CASP5: variants seen among roughly 807,000 people sequenced by gnomAD.
CASP5 encodes the protein caspase-5.
In CASP5, 42 loss-of-function variants were observed where a neutral mutation model predicts 45.2. The ratio of observed to expected loss-of-function variants is 0.93; its 90% confidence interval spans 0.73 to 1.20. The LOEUF (loss-of-function observed/expected upper bound fraction) is 1.20, where lower values mean the gene tolerates loss of function less well. CASP5 is among the 50% of genes most tolerant of loss of function. The pLI is 0.00. For synonymous variants in CASP5, 209 were observed against 186.2 expected, an observed-to-expected ratio of 1.12 and a Z score of -1.00; for missense variants, 512 against 532.2, an observed-to-expected ratio of 0.96 and a Z score of 0.37.
At chr11:105,009,828 CATAT>C (rs112147889) in intron 1 of CASP5, among the ~76,000 whole-genome samples, 2 of 103,744 alleles carry the variant, frequency 1.9e-5, no homozygotes, top group Admixed American at 9.6e-5. Flanking sequence ...TATATATACA[CATAT>C]ATATATACAC....
At chr11:105,015,245 C>T (rs1465792139) in intron 1 of CASP5, among the ~76,000 whole-genome samples, 3 of 152,176 alleles carry the variant, frequency 2.0e-5, no homozygotes, top group East Asian at 1.9e-4. Context: ...TTTCTAGACA[C>T]CTTCCTCAAC....
chr11:105,023,167 C>G lies in CASP5; in HGVS notation c.-31G>C. The stretch of plus-strand genomic sequence containing the variant: ...ACAGCCTCTGTCTCTTTGTACAGCA[C>G]TGGAAAGTGCCTCAGACTCAGAGAT... On this transcript the variant is annotated 5_prime_UTR_variant, in exon 1 of 10. Coordinates refer to ENST00000260315, the MANE Select transcript of CASP5 (RefSeq NM_004347.5). The G allele has an allele frequency of 6.5e-7, 1 of 1,550,034 alleles. No homozygotes were observed. The highest frequency in any genetic ancestry group is 8.7e-7 in the Non-Finnish European group (1 of 1,145,456).
intron 2 of CASP5, among the ~76,000 whole-genome samples, chr11:105,008,090 C>T (rs75889687): frequency 6.6e-6 from 1 of 151,908 alleles, no homozygotes; most frequent in Non-Finnish European, 1.5e-5. Context: ...AATTTTTTTG[C>T]CTGGCCCTCT....
intron 6 of CASP5, among the ~76,000 whole-genome samples, chr11:104,999,843 T>C (rs1199888436): frequency 6.6e-6 from 1 of 152,224 alleles, no homozygotes; most frequent in Non-Finnish European, 1.5e-5. Flanking sequence ...CATTTTCCCT[T>C]CAATAATTGT....
Position 104,998,814 on chromosome 11 carries a change from TG to T in CASP5, c.1096+70del. 2.7e-6 allele frequency: 4 copies of T among 1,492,026 alleles called. No individual in the cohort carries two copies. The South Asian group carries it at 5.0e-5, about 19-fold the overall frequency. The allele number at this position is 1,492,026 out of a possible 1,614,324, so 92.4% of individuals were successfully genotyped here. ...GCTCATTGTTGCATAGGGCCTATCTTGATTTCATAGAATCATTCAAAGGTGG... is the reference window on the plus strand; with the variant it reads ...GCTCATTGTTGCATAGGGCCTATCTTATTTCATAGAATCATTCAAAGGTGG... On this transcript the variant is annotated intron_variant, in intron 7 of 9. Coordinates refer to ENST00000260315, the MANE Select transcript of CASP5 (RefSeq NM_004347.5).
intron 1 of CASP5, among the ~76,000 whole-genome samples, chr11:105,017,183 T>C (rs1020025755): frequency 2.0e-5 from 3 of 151,252 alleles, no homozygotes; most frequent in Non-Finnish European, 4.4e-5. Flanking sequence ...AGACCAAAAG[T>C]AGAAAAAACC....
At chr11:105,002,597 T>C (rs1279268204) in intron 4 of CASP5, among the ~76,000 whole-genome samples, 1 of 152,230 alleles carries the variant, frequency 6.6e-6, no homozygotes, top group Non-Finnish European at 1.5e-5. Flanking sequence ...AACATAAACT[T>C]ACAATGATTT....
intron 6 of CASP5, 121 bp from the exon 7 acceptor site, chr11:104,999,149 T>TG: frequency 4.9e-6 from 4 of 815,420 alleles, no homozygotes; most frequent in African/African-American, 1.7e-5. Flanking sequence ...GCACCTATCA[T>TG]ATAGGTTTTA....
At chr11:105,006,510 G>C (rs1322065680) in intron 3 of CASP5, among the ~76,000 whole-genome samples, 2 of 152,170 alleles carry the variant, frequency 1.3e-5, no homozygotes, top group Non-Finnish European at 2.9e-5. Flanking sequence ...GGAAAACAAA[G>C]CATTTAATTT....
chr11:105,017,094 G>T (rs1329881918), intron 1 of CASP5, among the ~76,000 whole-genome samples: 2 of 151,786 alleles, frequency 1.3e-5, no homozygotes, highest in Non-Finnish European at 2.9e-5. Context: ...GCAGCTGAGG[G>T]TCCTGTCTGT....
intron 2 of CASP5, 28 bp from the exon 3 acceptor site, chr11:105,007,362 C>A: frequency 6.3e-7 from 1 of 1,578,652 alleles, no homozygotes. Flanking sequence ...ACTCCTTTAA[C>A]TATGGGCACA....
chr11:104,997,566 T>C, intron 7 of CASP5, 74 bp from the exon 8 acceptor site: 3 of 850,106 alleles, frequency 3.5e-6, no homozygotes, highest in South Asian at 3.1e-5. Context: ...TGTTTTTGCA[T>C]AGCTTGAGAA....
rs572097980 is a variant in CASP5, at chr11:105,007,163, G to C, written c.353C>G (p.Ser118Cys). ...ATGAGCCACGCGATTCTTTCGCAAA[G>C]AGTCTACCAAGATCAGGGCCTTGTC... is the stretch of plus-strand genomic sequence containing the variant. ...IEDKALILVD[S>C]LRKNRVAHQM... The change falls in exon 3 of 10, where the codon TCT becomes TGT. Residue 118 changes from serine to cysteine, a missense_variant. Physicochemically the swap from Ser to Cys is moderately radical, Grantham distance 112. Coordinates refer to ENST00000260315, the MANE Select transcript of CASP5 (RefSeq NM_004347.5). The C allele has an allele frequency of 2.1e-4, 342 of 1,613,782 alleles. 7 individuals carry two copies. The Middle Eastern group carries it at 2.6e-3, about 12-fold the overall frequency.
At position 105,002,127 on chromosome 11, in the gene CASP5, C is replaced by T; in HGVS notation, c.618G>A (p.Leu206=). ...CATAGTGAGCCCCATTCCTTGCAGG[C>T]AGGTGATCAAACTTTGTATTGCATA... ...LIICNTKFDH[L]PARNGAHYDI... Residue 206 remains leucine, a synonymous_variant, in exon 5 of 10, where the codon CTG becomes CTA. Coordinates refer to ENST00000260315, the MANE Select transcript of CASP5 (RefSeq NM_004347.5). The T allele has an allele frequency of 1.2e-6, 2 of 1,614,106 alleles. No homozygotes were observed. The highest frequency in any genetic ancestry group is 1.7e-6 in the Non-Finnish European group (2 of 1,180,000).
chr11:104,999,085 A>G (rs1379650920), intron 6 of CASP5, 57 bp from the exon 7 acceptor site: 3 of 1,465,306 alleles, frequency 2.0e-6, no homozygotes, highest in African/African-American at 1.4e-5. Flanking sequence ...CAGAATAGAA[A>G]TGCAGAACGT....
intron 1 of CASP5, among the ~76,000 whole-genome samples, chr11:105,009,720 C>CAT (rs199695891): frequency 0.093 from 5,877 of 63,124 alleles, 179 homozygotes; most frequent in Non-Finnish European, 0.12. Flanking sequence ...TATATACACA[C>CAT]ATATATATAT....
Position 105,002,134 on chromosome 11 carries a change from T to A in CASP5, c.611A>T (p.Asp204Val). 1 of 1,614,156 alleles carries A rather than the reference T, an allele frequency of 6.2e-7. No individual in the cohort carries two copies. The highest frequency in any genetic ancestry group is 1.1e-5 in the South Asian group (1 of 91,088). The change falls in exon 5 of 10, where the codon GAT becomes GTT. Residue 204 changes from aspartate to valine, a missense_variant. Asp to Val is a radical substitution (Grantham distance 152). Transcript: ENST00000260315. ...LALIICNTKF[D>V]HLPARNGAHY... ...AGCCCCATTCCTTGCAGGCAGGTGATCAAACTTTGTATTGCATATGATGAG... is the reference window on the plus strand; with the variant it reads ...AGCCCCATTCCTTGCAGGCAGGTGAACAAACTTTGTATTGCATATGATGAG...
intron 5 of CASP5, among the ~76,000 whole-genome samples, 184 bp downstream of exon 5, chr11:105,001,844 G>A (rs1413224187): frequency 6.6e-6 from 1 of 152,138 alleles, no homozygotes; most frequent in African/African-American, 2.4e-5. Context: ...AGGCTCAAAA[G>A]AGACACTGAT....
At chr11:105,004,398 C>A (rs768063297) in intron 3 of CASP5, among the ~76,000 whole-genome samples, 36 of 152,062 alleles carry the variant, frequency 2.4e-4, no homozygotes, top group Non-Finnish European at 4.9e-4. Context: ...TCTCTTTTGA[C>A]CGATATTGTG....
Sources: gnomAD v4.1 joint callset for allele counts (sites outside exome capture counted in the v4.1 genomes callset) on GRCh38, gnomAD v4.1.1 for gene constraint, MANE v1.5 for transcripts, NCBI Gene and HGNC (gene_info 2026-07-23, HGNC 2026-07-21) for gene names.